CD164: variants seen among roughly 807,000 people sequenced by gnomAD.
The protein encoded by CD164 is CD164 molecule, also known as sialomucin core protein 24.
CD164 carries 11 observed loss-of-function variants against 24.6 expected under a neutral mutation model. The ratio of observed to expected loss-of-function variants is 0.45; its 90% confidence interval spans 0.28 to 0.74. CD164 has a LOEUF of 0.74. Ranked by LOEUF, CD164 falls within the 30% of genes least tolerant of loss-of-function variation. CD164 has a pLI of 0.13. For missense variants in CD164, 295 were observed against 243.7 expected (o/e 1.21, Z -1.40); for synonymous variants, 126 against 100.3 (o/e 1.26, Z -1.53).
At position 109,382,275 on chromosome 6, in the gene CD164, G is replaced by C; in HGVS notation, c.104C>G (p.Thr35Ser). 6.3e-7 allele frequency: 1 copy of C among 1,590,164 alleles called. No individual in the cohort carries two copies. The highest frequency in any genetic ancestry group is 1.1e-5 in the South Asian group (1 of 87,718). Residue 35 changes from threonine (T) to serine (S), a missense_variant, in exon 1 of 6, where the codon ACT (threonine) becomes AGT (serine). Coordinates refer to ENST00000310786, the MANE Select transcript of CD164 (RefSeq NM_006016.6). Reference sequence around the variant, plus strand: ...GGTTACGTTGGAGATGGGCGCTAAAGTCGTCACGTTCGGGTGCTGGGTCGT... The same window carrying C: ...GGTTACGTTGGAGATGGGCGCTAAACTCGTCACGTTCGGGTGCTGGGTCGT... ...KNTTQHPNVT[T>S]LAPISNVTSA...
chr6:109,370,511 T>G, intron 4 of CD164, 44 bp from the exon 5 acceptor site: 3 of 1,517,480 alleles, frequency 2.0e-6, no homozygotes, highest in Non-Finnish European at 2.7e-6. Flanking sequence ...CTTAAATTTC[T>G]AGCTTCCCAG....
Position 109,377,986 on chromosome 6 carries a change from G to A in CD164, c.260-15C>T, listed in dbSNP as rs577340749. 6 of 1,607,040 alleles carry A rather than the reference G, an allele frequency of 3.7e-6. No individual in the cohort carries two copies. The Admixed American group carries it at 5.0e-5, about 13-fold the overall frequency. On this transcript the variant is annotated splice_polypyrimidine_tract_variant and intron_variant, in intron 2 of 5. Transcript: ENST00000310786. The stretch of plus-strand genomic sequence containing the variant: ...ATAGCTCTCATCTGTTGGGGGGCAG[G>A]GGAAAAGAGACAAACAGCATCAACC...
intron 2 of CD164, 62 bp from the exon 3 acceptor site, chr6:109,378,033 C>A: frequency 7.5e-7 from 1 of 1,335,698 alleles, no homozygotes; most frequent in Non-Finnish European, 1.1e-6. Flanking sequence ...TTATCTTTGA[C>A]TCTGCTACTA....
chr6:109,382,289 G>C lies in CD164; in HGVS notation c.90C>G (p.His30Gln). The change falls in exon 1 of 6, where the codon CAC becomes CAG. Residue 30 changes from histidine (H) to glutamine (Q), a missense_variant. By Grantham distance (24) the His-to-Gln change is conservative. Transcript: ENST00000310786. ...TGGGCGCTAAAGTCGTCACGTTCGG[G>C]TGCTGGGTCGTGTTCTTGTCCGCGG... ...VLSADKNTTQ[H>Q]PNVTTLAPIS... The C allele has an allele frequency of 6.3e-7, 1 of 1,584,880 alleles. No homozygotes were observed. The highest frequency in any genetic ancestry group is 8.6e-7 in the Non-Finnish European group (1 of 1,168,480).
At chr6:109,374,422 A>G (rs1771280615) in intron 4 of CD164, among the ~76,000 whole-genome samples, 1 of 152,078 alleles carries the variant, frequency 6.6e-6, no homozygotes, top group African/African-American at 2.4e-5. Context: ...CCTCTCAGTC[A>G]TGAAGTCCTA....
chr6:109,373,908 A>C (rs1771249399), intron 4 of CD164, among the ~76,000 whole-genome samples: 1 of 152,194 alleles, frequency 6.6e-6, no homozygotes, highest in South Asian at 2.1e-4. Flanking sequence ...GGGAAGAGCT[A>C]CTACACAATA....
rs1180551515 is a variant in CD164 at position 109,368,784 on chromosome 6, G to A, written c.*67C>T. On this transcript the variant is annotated 3_prime_UTR_variant, in exon 6 of 6. Coordinates refer to ENST00000310786, the MANE Select transcript of CD164 (RefSeq NM_006016.6). ...GTCTTCCATGTGGGACATCTTAAAA[G>A]ATAGTATTTTGGCTTCAGTGAGTTA... is the stretch of plus-strand genomic sequence containing the variant. 6.5e-7 allele frequency: 1 copy of A among 1,540,308 alleles called. No homozygotes were observed. The highest frequency in any genetic ancestry group is 8.7e-7 in the Non-Finnish European group (1 of 1,149,328).
At chr6:109,369,177 C>A (rs1770946604) in intron 5 of CD164, among the ~76,000 whole-genome samples, 160 bp from the exon 6 acceptor site, 1 of 152,140 alleles carries the variant, frequency 6.6e-6, no homozygotes, top group South Asian at 2.1e-4. Flanking sequence ...GGAAGACAAC[C>A]ATATCCCATT....
Position 109,381,825 on chromosome 6 carries a change from G to A in CD164, c.175+379C>T, listed in dbSNP as rs905592622. The stretch of plus-strand genomic sequence containing the variant: ...CAGCTCGGCCCCACCGCCAACCTCA[G>A]AGGCGCGACGCCCGGCCCCATCCTC... On this transcript the variant is annotated intron_variant, in intron 1 of 5. Coordinates refer to ENST00000310786, the MANE Select transcript of CD164 (RefSeq NM_006016.6). 1.1e-5 allele frequency: 6 copies of A among 549,352 alleles called. No individual in the cohort carries two copies. In the African/African-American group the frequency reaches 1.2e-4, roughly 11 times the overall value. The allele number at this position is 549,352 out of a possible 1,614,324, so 34.0% of individuals were successfully genotyped here.
In CD164 at chr6:109,366,687, A is replaced by G. The variant is rs1770775491; in HGVS notation, c.*2164T>C. 6.6e-6 allele frequency: 1 copy of G among 152,650 alleles called. No homozygotes were observed. Among genetic ancestry groups the G allele is most frequent in the Non-Finnish European group, 1.5e-5 (1 of 68,032 alleles). The allele number at this position is 152,650 out of a possible 1,614,324, so 9.5% of individuals were successfully genotyped here. The stretch of plus-strand genomic sequence containing the variant: ...TTGATAGAAGAACATCTGCAAGAAC[A>G]AATCAGATGAAAAATCTGAAAAGGT... On this transcript the variant is annotated 3_prime_UTR_variant, in exon 6 of 6. Transcript: ENST00000310786.
In CD164 at chr6:109,368,293, C is replaced by G. The variant is rs1770880281; in HGVS notation, c.*558G>C. 1.9e-6 allele frequency: 3 copies of G among 1,542,884 alleles called. No individual in the cohort carries two copies. Among genetic ancestry groups the G allele is most frequent in the Non-Finnish European group, 8.7e-7 (1 of 1,143,160 alleles). On this transcript the variant is annotated 3_prime_UTR_variant, in exon 6 of 6. Coordinates refer to ENST00000310786, the MANE Select transcript of CD164 (RefSeq NM_006016.6). ...ATGGTATCCTTTCATTTCTTTAAATCTGGAATGTAGTTCCTTGTGTGGCAT... is the reference window on the plus strand; with the variant it reads ...ATGGTATCCTTTCATTTCTTTAAATGTGGAATGTAGTTCCTTGTGTGGCAT...
intron 4 of CD164, chr6:109,372,836 C>G (rs1014436477): frequency 1.3e-5 from 2 of 152,136 alleles, no homozygotes; most frequent in African/African-American, 4.8e-5. Flanking sequence ...GAAAAAAATT[C>G]TGCAAATTTG....
chr6:109,377,096 C>T (rs1261032581), intron 3 of CD164, among the ~76,000 whole-genome samples: 3 of 152,042 alleles, frequency 2.0e-5, no homozygotes, highest in Non-Finnish European at 4.4e-5. Context: ...ATGATTGTGC[C>T]ACTGCACTCC....
intron 4 of CD164, among the ~76,000 whole-genome samples, chr6:109,373,851 T>C (rs11753645): frequency 0.26 from 38,926 of 152,128 alleles, 5,154 homozygotes; most frequent in Middle Eastern, 0.35. Context: ...ACTATTTCCA[T>C]GGTAACCAGT....
intron 1 of CD164, among the ~76,000 whole-genome samples, chr6:109,380,946 C>T (rs1333456167): frequency 6.6e-6 from 1 of 152,184 alleles, no homozygotes; most frequent in African/African-American, 2.4e-5. Flanking sequence ...GTTACCATTA[C>T]ATCTTCCTTA....
At chr6:109,377,014 G>C (rs943940496) in intron 3 of CD164, among the ~76,000 whole-genome samples, 2 of 152,150 alleles carry the variant, frequency 1.3e-5, no homozygotes, top group Admixed American at 1.3e-4. Context: ...GCATGCACCT[G>C]TAATCCCAGC....
chr6:109,368,240 T>G lies in CD164; in HGVS notation c.*611A>C, dbSNP rs2115137041. 1 of 1,511,390 alleles carries G rather than the reference T, an allele frequency of 6.6e-7. No homozygotes were observed. The highest frequency in any genetic ancestry group is 2.5e-5 in the East Asian group (1 of 39,634). The allele number at this position is 1,511,390 out of a possible 1,614,324, so 93.6% of individuals were successfully genotyped here. A position where few individuals can be genotyped will look rare whatever the true frequency, so the allele number is the denominator to read the frequency against. Reference sequence around the variant, plus strand: ...TCAATGACATAAGATGCTTTACAAGTATGAACAATAATCTGTTATACACAC... The same window carrying G: ...TCAATGACATAAGATGCTTTACAAGGATGAACAATAATCTGTTATACACAC... On this transcript the variant is annotated 3_prime_UTR_variant, in exon 6 of 6. Coordinates refer to ENST00000310786, the MANE Select transcript of CD164 (RefSeq NM_006016.6).
intron 1 of CD164, 56 bp from the exon 2 acceptor site, chr6:109,379,718 T>G (rs1771627324): frequency 7.9e-7 from 1 of 1,272,902 alleles, no homozygotes; most frequent in East Asian, 2.3e-5. Flanking sequence ...GTATCTTATT[T>G]GAATCTGTAT....
chr6:109,382,283 G>C lies in CD164; in HGVS notation c.96C>G (p.Asn32Lys). 1 of 1,587,650 alleles carries C rather than the reference G, an allele frequency of 6.3e-7. No homozygotes were observed. Among genetic ancestry groups the C allele is most frequent in the East Asian group, 2.3e-5 (1 of 43,572 alleles). The change falls in exon 1 of 6, where the codon AAC (asparagine) becomes AAG (lysine). Residue 32 changes from asparagine (N) to lysine (K), a missense_variant. By Grantham distance (94) the Asn-to-Lys change is moderately conservative. Transcript: ENST00000310786. Reference protein sequence around the residue: ...SADKNTTQHPNVTTLAPISNV... With the variant: ...SADKNTTQHPKVTTLAPISNV... ...TGGAGATGGGCGCTAAAGTCGTCAC[G>C]TTCGGGTGCTGGGTCGTGTTCTTGT... is the stretch of plus-strand genomic sequence containing the variant.
Sources: allele counts gnomAD v4.1 joint callset (sites outside exome capture counted in the v4.1 genomes callset), GRCh38; gene constraint gnomAD v4.1.1; transcripts MANE v1.5; gene names NCBI Gene and HGNC (gene_info 2026-07-23, HGNC 2026-07-21).